Variants in MCC observed in about 807,000 individuals in gnomAD.
MCC encodes MCC regulator of Wnt signaling pathway, also known as colorectal mutant cancer protein.
A neutral mutation model predicts 116.2 loss-of-function variants in MCC; 90 were observed. The ratio of observed to expected loss-of-function variants is 0.77; its 90% CI spans 0.65 to 0.92. MCC has a LOEUF of 0.92. Ranked by LOEUF, MCC falls within the 40% of genes least tolerant of loss-of-function variation. The pLI, the probability that MCC is intolerant of heterozygous loss-of-function variation, is 0.00. For missense variants in MCC, 1,516 were observed against 1,312.2 expected, an observed-to-expected ratio of 1.16 and a Z score of -2.40; for synonymous variants, 578 against 510.5, an observed-to-expected ratio of 1.13 and a Z score of -1.78.
At chr5:113,176,552 C>T (rs1396771887) in intron 3 of MCC, among the ~76,000 whole-genome samples, 1 of 152,186 alleles carries the variant, frequency 6.6e-6, no homozygotes, top group African/African-American at 2.4e-5. Flanking sequence ...CAGGCTTGTA[C>T]CACCAGCTGC....
intron 2 of MCC, among the ~76,000 whole-genome samples, chr5:113,364,062 T>C (rs1005688777): frequency 6.6e-6 from 1 of 151,560 alleles, no homozygotes; most frequent in Non-Finnish European, 1.5e-5. Flanking sequence ...TGAAACCTCG[T>C]CTGTACTAAA....
At chr5:113,294,269 G>A in intron 3 of MCC, 1 of 1,611,182 alleles carries the variant, frequency 6.2e-7, no homozygotes, top group Admixed American at 1.7e-5. Context: ...GAGGGGAGGG[G>A]GATTTGTGGA....
chr5:113,447,644 T>A (rs1004877542), intron 1 of MCC, among the ~76,000 whole-genome samples: 2 of 152,196 alleles, frequency 1.3e-5, no homozygotes, highest in Admixed American at 6.5e-5. Context: ...AAGGATTTTT[T>A]AAAAAGATTT....
intron 9 of MCC, among the ~76,000 whole-genome samples, chr5:113,084,866 G>T (rs1755096213): frequency 6.6e-6 from 1 of 152,350 alleles, no homozygotes; most frequent in East Asian, 1.9e-4. Context: ...TGTCCACTGT[G>T]AAGTACTGGA....
At chr5:113,373,714 T>G (rs1167463336) in intron 2 of MCC, among the ~76,000 whole-genome samples, 1 of 152,230 alleles carries the variant, frequency 6.6e-6, no homozygotes, top group Non-Finnish European at 1.5e-5. Context: ...AAAAAAATGG[T>G]TAGTTTTAAA....
At chr5:113,183,949 T>C (rs551874787) in intron 3 of MCC, among the ~76,000 whole-genome samples, 22 of 151,986 alleles carry the variant, frequency 1.4e-4, no homozygotes, top group South Asian at 4.2e-4. Flanking sequence ...TTTTCGGTTG[T>C]GCAAACTGAA....
chr5:113,434,970 A>AG lies in MCC; in HGVS notation c.171-49759dup. The AG allele has an allele frequency of 4.4e-6, 5 of 1,126,678 alleles. No individual in the cohort carries two copies. The highest frequency in any genetic ancestry group is 1.6e-5 in the South Asian group (1 of 60,666). The allele number at this position is 1,126,678 out of a possible 1,614,324, so 69.8% of individuals were successfully genotyped here. ...GCCAGGCCTGCTGTTCCTGCCTCCTAGAGGCCAAGACTCTGGAGTGGAACA... is the reference window on the plus strand; with the variant it reads ...GCCAGGCCTGCTGTTCCTGCCTCCTAGGAGGCCAAGACTCTGGAGTGGAACA... On this transcript the variant is annotated intron_variant, in intron 1 of 18. Transcript: ENST00000408903. The surrounding 1 kb of genome is among the most constrained non-coding windows in gnomAD (Gnocchi z 4.2).
intron 1 of MCC, among the ~76,000 whole-genome samples, chr5:113,473,096 T>C (rs1037773417): frequency 1.3e-5 from 2 of 152,200 alleles, no homozygotes; most frequent in African/African-American, 4.8e-5. Context: ...TTTATTTTTA[T>C]TATATTATTA....
At chr5:113,140,602 G>A (rs1258514086) in intron 5 of MCC, among the ~76,000 whole-genome samples, 1 of 152,190 alleles carries the variant, frequency 6.6e-6, no homozygotes, top group African/African-American at 2.4e-5. Context: ...TGTGACCTGA[G>A]ATAGAAAACT....
At chr5:113,229,775 ACAGTACT>A (rs1258214658) in intron 3 of MCC, among the ~76,000 whole-genome samples, 274 of 152,312 alleles carry the variant, frequency 1.8e-3, no homozygotes, top group African/African-American at 6.4e-3. Context: ...ACTATTGGCT[ACAGTACT>A]CAGTACTCAG....
At chr5:113,133,322 C>T (rs1758581453) in intron 5 of MCC, among the ~76,000 whole-genome samples, 1 of 152,268 alleles carries the variant, frequency 6.6e-6, no homozygotes, top group African/African-American at 2.4e-5. Flanking sequence ...CTAATAACCA[C>T]CAAAATACTC....
At chr5:113,184,650 C>T (rs1265416386) in intron 3 of MCC, among the ~76,000 whole-genome samples, 1 of 151,668 alleles carries the variant, frequency 6.6e-6, no homozygotes, top group East Asian at 1.9e-4. Flanking sequence ...GTTTCTATAA[C>T]CCTATAGGAA....
rs370934141 is a variant in MCC at position 113,363,914 on chromosome 5, T to C, written c.415+21054A>G. On this transcript the variant is annotated intron_variant, in intron 2 of 18. Coordinates refer to ENST00000408903, the MANE Select transcript of MCC (RefSeq NM_001085377.2). ...TACAAGCACTAGGTAAATAGTCCCC[T>C]TCCAAAACGAAGAAATAGGCCAAAA... 3.3e-5 allele frequency among the ~76,000 whole-genome samples: 5 copies of C among 152,216 alleles called. No homozygotes were observed. The East Asian group carries it at 9.7e-4, about 29-fold the overall frequency.
chr5:113,295,797 A>G (rs1349040717), intron 3 of MCC, among the ~76,000 whole-genome samples: 1 of 152,202 alleles, frequency 6.6e-6, no homozygotes, highest in Non-Finnish European at 1.5e-5. Context: ...ATGCACAGAA[A>G]AATGTTCTGA....
chr5:113,458,194 A>G (rs1771633179), intron 1 of MCC, among the ~76,000 whole-genome samples: 1 of 152,134 alleles, frequency 6.6e-6, no homozygotes. Flanking sequence ...TCTTTGCAAT[A>G]AATCTTGCTA....
rs1263721528 is a variant in MCC, at chr5:113,025,211, C to A, written c.*2091G>T. The stretch of plus-strand genomic sequence containing the variant: ...CCACTTTGCTCAGGGGAGGACGTTT[C>A]CCTAGGCAAGCTGGAAAAATAGTGA... On this transcript the variant is annotated 3_prime_UTR_variant, in exon 19 of 19. Coordinates refer to ENST00000408903, the MANE Select transcript of MCC (RefSeq NM_001085377.2). 3 of 151,674 alleles carry A rather than the reference C, an allele frequency of 2.0e-5. No homozygotes were observed. Among genetic ancestry groups the A allele is most frequent in the African/African-American group, 4.8e-5 (2 of 41,306 alleles). The allele number at this position is 151,674 out of a possible 1,614,324, so 9.4% of individuals were successfully genotyped here.
chr5:113,456,976 C>T (rs1480628048), intron 1 of MCC, among the ~76,000 whole-genome samples: 3 of 152,156 alleles, frequency 2.0e-5, no homozygotes, highest in Non-Finnish European at 4.4e-5. Flanking sequence ...GAGGTGACAG[C>T]GTGCTGGCAG....
intron 1 of MCC, among the ~76,000 whole-genome samples, chr5:113,400,196 C>G (rs868587536): frequency 1.2e-4 from 16 of 133,722 alleles, no homozygotes; most frequent in Non-Finnish European, 2.4e-4. Flanking sequence ...GATCTTGGCT[C>G]ACTGAAACCT....
intron 3 of MCC, among the ~76,000 whole-genome samples, chr5:113,205,563 G>T (rs973490400): frequency 1.3e-5 from 2 of 152,226 alleles, no homozygotes; most frequent in Non-Finnish European, 2.9e-5. Flanking sequence ...CAATGCATTT[G>T]AAGATAAATA....
Sources: gnomAD v4.1 joint callset for allele counts (sites outside exome capture counted in the v4.1 genomes callset) on GRCh38, gnomAD v4.1.1 for gene constraint, Gnocchi (gnomAD v3.1) non-coding constraint, MANE v1.5 for transcripts, NCBI Gene and HGNC (gene_info 2026-07-23, HGNC 2026-07-21) for gene names.